SNTG1: variants seen among roughly 807,000 people sequenced by gnomAD.
SNTG1 encodes gamma-1-syntrophin.
In SNTG1, 39 loss-of-function variants were observed where a neutral mutation model predicts 74.7. That is an observed-to-expected ratio of 0.52 (90% CI 0.40 to 0.68). The LOEUF (loss-of-function observed/expected upper bound fraction) is 0.68, where lower values mean the gene tolerates loss of function less well. Among genes scored for constraint, SNTG1 ranks in the 30% least tolerant of loss-of-function variants. The pLI is 0.00. For missense variants in SNTG1, 685 were observed against 609.5 expected (o/e 1.12, Z -1.30); for synonymous variants, 254 against 217.1 (o/e 1.17, Z -1.49).
chr8:49,993,777 G>A (rs1393325903), intron 1 of SNTG1, among the ~76,000 whole-genome samples: 1 of 152,108 alleles, frequency 6.6e-6, no homozygotes, highest in African/African-American at 2.4e-5. Flanking sequence ...ATGTGTATAT[G>A]TGCCACATTT....
intron 8 of SNTG1, among the ~76,000 whole-genome samples, chr8:50,467,707 T>A (rs75986552): frequency 6.6e-6 from 1 of 152,000 alleles, no homozygotes; most frequent in African/African-American, 2.4e-5. Context: ...CTGCTTTTTC[T>A]AATTCTGTAT....
At chr8:50,094,551 A>T (rs1218368063) in intron 1 of SNTG1, among the ~76,000 whole-genome samples, 1 of 152,214 alleles carries the variant, frequency 6.6e-6, no homozygotes. Context: ...TCAAAAGAAG[A>T]CATACATGTG....
intron 2 of SNTG1, among the ~76,000 whole-genome samples, chr8:50,173,464 A>G (rs2082881848): frequency 6.6e-6 from 1 of 152,212 alleles, no homozygotes; most frequent in Non-Finnish European, 1.5e-5. Context: ...GAGTGCCAGT[A>G]CTGAAAAGTA....
chr8:50,222,380 G>A (rs2085113358), intron 2 of SNTG1, among the ~76,000 whole-genome samples: 1 of 152,138 alleles, frequency 6.6e-6, no homozygotes, highest in Non-Finnish European at 1.5e-5. Context: ...GGGTAGTTTG[G>A]AGGTTAAAGG....
intron 1 of SNTG1, among the ~76,000 whole-genome samples, chr8:50,078,393 G>A (rs1456659052): frequency 3.3e-5 from 5 of 151,966 alleles, no homozygotes; most frequent in East Asian, 1.9e-4. Flanking sequence ...CCATGACCAT[G>A]GAATATTTCT....
At chr8:50,311,223 G>A (rs1269579236) in intron 2 of SNTG1, among the ~76,000 whole-genome samples, 2 of 152,122 alleles carry the variant, frequency 1.3e-5, no homozygotes, top group African/African-American at 2.4e-5. Context: ...ATCTCACATA[G>A]TTAAGGGACT....
intron 18 of SNTG1, among the ~76,000 whole-genome samples, chr8:50,776,165 C>A (rs2095640209): frequency 4.0e-5 from 6 of 150,404 alleles, no homozygotes; most frequent in Admixed American, 3.3e-4. Context: ...TTCCATTTTT[C>A]TGTTTTAATT....
chr8:50,497,241 G>T (rs928526683), intron 8 of SNTG1, among the ~76,000 whole-genome samples: 6 of 151,784 alleles, frequency 4.0e-5, no homozygotes, highest in Non-Finnish European at 7.4e-5. Context: ...ACTGCCCAGT[G>T]CCTATTTCAT....
chr8:50,311,871 C>T (rs1031033583), intron 2 of SNTG1, among the ~76,000 whole-genome samples: 9 of 152,130 alleles, frequency 5.9e-5, no homozygotes, highest in Admixed American at 3.9e-4. Flanking sequence ...TAACCAAGTA[C>T]TAGTCTTTGC....
chr8:49,942,172 T>C (rs1251547582), intron 1 of SNTG1, among the ~76,000 whole-genome samples: 1 of 152,170 alleles, frequency 6.6e-6, no homozygotes, highest in Non-Finnish European at 1.5e-5. Flanking sequence ...GATAAGAAGT[T>C]TTCTGAATTG....
At chr8:50,020,273 C>T (rs1816702767) in intron 1 of SNTG1, among the ~76,000 whole-genome samples, 1 of 152,066 alleles carries the variant, frequency 6.6e-6, no homozygotes, top group Non-Finnish European at 1.5e-5. Context: ...TCCCTCAGTA[C>T]AGAGTGAATA....
intron 17 of SNTG1, among the ~76,000 whole-genome samples, chr8:50,712,728 C>G (rs553804088): frequency 6.6e-6 from 1 of 151,956 alleles, no homozygotes; most frequent in East Asian, 2.0e-4. Context: ...TTGTTCAACT[C>G]CCACTTATGA....
chr8:50,264,437 G>A (rs2087350275), intron 2 of SNTG1, among the ~76,000 whole-genome samples: 1 of 151,802 alleles, frequency 6.6e-6, no homozygotes. Flanking sequence ...GCATGTGGTG[G>A]TGCATGCCTG....
At position 50,657,030 on chromosome 8, in the gene SNTG1, G is replaced by A. The variant is rs375092719; in HGVS notation, c.966+5G>A. Reference sequence around the variant, plus strand: ...TACAAGTTTCTGGCACCTCCAGTACGTGTTTTATTGAAATGTATTGGTCGT... The same window carrying A: ...TACAAGTTTCTGGCACCTCCAGTACATGTTTTATTGAAATGTATTGGTCGT... On this transcript the variant is annotated splice_donor_5th_base_variant and intron_variant, in intron 14 of 18. Transcript: ENST00000642720. 9.3e-6 allele frequency: 14 copies of A among 1,498,790 alleles called. No homozygotes were observed. Among genetic ancestry groups the A allele is most frequent in the African/African-American group, 4.3e-5 (3 of 70,128 alleles). 92.8% of individuals were successfully genotyped at this position (1,498,790 alleles called of 1,614,324 possible).
At chr8:50,548,211 G>A (rs1341532760) in intron 11 of SNTG1, among the ~76,000 whole-genome samples, 1 of 152,192 alleles carries the variant, frequency 6.6e-6, no homozygotes, top group South Asian at 2.1e-4. Context: ...TAAGATTGGA[G>A]TGACTGGAGG....
chr8:50,641,668 T>C (rs1471515432), intron 13 of SNTG1, among the ~76,000 whole-genome samples: 1 of 152,224 alleles, frequency 6.6e-6, no homozygotes, highest in Non-Finnish European at 1.5e-5. Context: ...AAATGAACAC[T>C]GTTTCACTAA....
intron 12 of SNTG1, among the ~76,000 whole-genome samples, chr8:50,568,257 T>TGTG (rs1563587391): frequency 1.2e-4 from 6 of 48,990 alleles, no homozygotes; most frequent in African/African-American, 3.3e-4. Flanking sequence ...GTGTGTGCTA[T>TGTG]CTATTTATCC....
intron 17 of SNTG1, among the ~76,000 whole-genome samples, chr8:50,726,263 T>C (rs904127198): frequency 6.6e-6 from 1 of 152,188 alleles, no homozygotes; most frequent in African/African-American, 2.4e-5. Context: ...AATAAAATAT[T>C]TTATTACTGT....
At chr8:50,689,254 C>T (rs186217546) in intron 15 of SNTG1, among the ~76,000 whole-genome samples, 1 of 152,100 alleles carries the variant, frequency 6.6e-6, no homozygotes, top group South Asian at 2.1e-4. Flanking sequence ...TCTTCTCCTG[C>T]CTGATTGCCC....
Sources: allele counts gnomAD v4.1 joint callset (sites outside exome capture counted in the v4.1 genomes callset), GRCh38; gene constraint gnomAD v4.1.1; transcripts MANE v1.5; gene names NCBI Gene and HGNC (gene_info 2026-07-23, HGNC 2026-07-21).